ADGRL3: variants seen among roughly 807,000 people sequenced by gnomAD.
ADGRL3 encodes the protein adhesion G protein-coupled receptor L3.
ADGRL3 carries 62 observed loss-of-function variants against 153.5 expected under a neutral mutation model. The ratio of observed to expected loss-of-function variants is 0.40; its 90% CI spans 0.33 to 0.50. The LOEUF (loss-of-function observed/expected upper bound fraction) is 0.50. ADGRL3 is among the 20% of genes least tolerant of loss of function. The probability of loss-of-function intolerance (pLI) is 0.47; values close to 1 mark genes in which losing one functional copy is unlikely to be tolerated. For missense variants in ADGRL3, 1,641 were observed against 1,859.4 expected (o/e 0.88, Z 2.16); for synonymous variants, 710 against 672.5 (o/e 1.06, Z -0.86).
chr4:61,376,652 A>G (rs554853523), intron 1 of ADGRL3, among the ~76,000 whole-genome samples: 2 of 152,296 alleles, frequency 1.3e-5, no homozygotes, highest in African/African-American at 2.4e-5. Context: ...AGCCTCCATC[A>G]GTCACATCTG....
At chr4:61,958,497 G>T (rs1333855565) in intron 17 of ADGRL3, among the ~76,000 whole-genome samples, 1 of 151,984 alleles carries the variant, frequency 6.6e-6, no homozygotes, top group African/African-American at 2.4e-5. Flanking sequence ...AAGAATAACT[G>T]AGACTGGGTA....
intron 1 of ADGRL3, among the ~76,000 whole-genome samples, chr4:61,371,961 C>G (rs1371163627): frequency 1.3e-5 from 2 of 152,116 alleles, no homozygotes; most frequent in Non-Finnish European, 2.9e-5. Flanking sequence ...AACTTCCGTT[C>G]TTGCTTCATT....
intron 8 of ADGRL3, among the ~76,000 whole-genome samples, chr4:61,788,470 C>A (rs1409410743): frequency 6.6e-6 from 1 of 152,146 alleles, no homozygotes; most frequent in Non-Finnish European, 1.5e-5. Flanking sequence ...GAAGCCCCAT[C>A]CCTAGTGGAA....
chr4:61,322,455 C>T (rs2095378590), intron 1 of ADGRL3, among the ~76,000 whole-genome samples: 5 of 152,182 alleles, frequency 3.3e-5, no homozygotes, highest in Non-Finnish European at 7.3e-5. Flanking sequence ...TCCAAAGTCT[C>T]ATCTGAGACA....
chr4:61,250,535 T>C (rs1451357599), intron 1 of ADGRL3, among the ~76,000 whole-genome samples: 1 of 152,212 alleles, frequency 6.6e-6, no homozygotes, highest in Non-Finnish European at 1.5e-5. Context: ...CATTGATTTT[T>C]GTTGCCTAAG....
chr4:61,696,055 C>G (rs2095637221), intron 6 of ADGRL3, among the ~76,000 whole-genome samples: 1 of 152,152 alleles, frequency 6.6e-6, no homozygotes, highest in African/African-American at 2.4e-5. Flanking sequence ...GATCTTTTAT[C>G]CAAACTGCTG....
At chr4:61,659,929 C>A (rs2094546265) in intron 5 of ADGRL3, among the ~76,000 whole-genome samples, 1 of 139,242 alleles carries the variant, frequency 7.2e-6, no homozygotes. Flanking sequence ...TGTAGTGAAG[C>A]TGGTTAAGAA....
At chr4:61,971,891 A>C (rs2099029259) in intron 17 of ADGRL3, among the ~76,000 whole-genome samples, 1 of 152,072 alleles carries the variant, frequency 6.6e-6, no homozygotes, top group South Asian at 2.1e-4. Context: ...TTTGATTTGC[A>C]TTTATCTGAT....
At chr4:61,877,061 A>G (rs2098480222) in intron 9 of ADGRL3, among the ~76,000 whole-genome samples, 1 of 152,116 alleles carries the variant, frequency 6.6e-6, no homozygotes, top group Non-Finnish European at 1.5e-5. Context: ...CAGAACATGG[A>G]TTGGAGGGCT....
At chr4:61,386,077 G>A (rs970283897) in intron 2 of ADGRL3, among the ~76,000 whole-genome samples, 3 of 152,122 alleles carry the variant, frequency 2.0e-5, no homozygotes, top group African/African-American at 7.2e-5. Context: ...TACTCGTGTT[G>A]CATGTATTTG....
chr4:62,013,508 C>T (rs1193749062), intron 21 of ADGRL3, among the ~76,000 whole-genome samples: 1 of 151,652 alleles, frequency 6.6e-6, no homozygotes, highest in Admixed American at 6.6e-5. Flanking sequence ...CACTGTTGCA[C>T]TCCAGCCCGG....
In ADGRL3 at chr4:61,585,448, A is replaced by G. The variant is rs369500777; in HGVS notation, c.260-1779A>G. 5.3e-5 allele frequency among the ~76,000 whole-genome samples: 8 copies of G among 151,764 alleles called. No individual in the cohort carries two copies. In the East Asian group the frequency reaches 9.7e-4, roughly 18 times the overall value. On this transcript the variant is annotated intron_variant, in intron 4 of 26. Coordinates refer to ENST00000683033, the MANE Select transcript of ADGRL3 (RefSeq NM_001387552.1). ...ATGTTTTCTCTTTCTTTGCCCCTCC[A>G]TTTTTCACCTCCCTGCCTCTCTCCT...
chr4:61,428,436 G>A (rs1275853349), intron 2 of ADGRL3, among the ~76,000 whole-genome samples: 1 of 152,196 alleles, frequency 6.6e-6, no homozygotes, highest in African/African-American at 2.4e-5. Flanking sequence ...TACAGCGACA[G>A]AAGATAACAT....
rs527295701 is a variant in ADGRL3, at chr4:61,675,811, C to G, written c.474-1015C>G. ...ATTTATCCTTTGTGCTACAAACAAT[C>G]CATTTATACTCTTTTATTTTTAAAT... is the stretch of plus-strand genomic sequence containing the variant. On this transcript the variant is annotated intron_variant, in intron 5 of 26. Transcript: ENST00000683033. 1.6e-4 allele frequency among the ~76,000 whole-genome samples: 25 copies of G among 151,730 alleles called. 1 individual carries two copies. Among genetic ancestry groups the G allele is most frequent in the Non-Finnish European group, 2.8e-4 (19 of 67,876 alleles).
chr4:61,373,777 A>AT (rs1553915286), intron 1 of ADGRL3, among the ~76,000 whole-genome samples: 2 of 152,186 alleles, frequency 1.3e-5, no homozygotes, highest in Non-Finnish European at 1.5e-5. Context: ...CTGTGGATGC[A>AT]TTAACTTTTT....
intron 5 of ADGRL3, among the ~76,000 whole-genome samples, chr4:61,618,607 C>G (rs1231707956): frequency 6.6e-6 from 1 of 152,130 alleles, no homozygotes; most frequent in Non-Finnish European, 1.5e-5. Flanking sequence ...TACTTGATCT[C>G]TGATTCACTA....
At chr4:61,229,934 A>G (rs1436679261) in intron 1 of ADGRL3, among the ~76,000 whole-genome samples, 1 of 151,914 alleles carries the variant, frequency 6.6e-6, no homozygotes, top group Non-Finnish European at 1.5e-5. Flanking sequence ...ATATATGTAT[A>G]TACATATTAT....
intron 1 of ADGRL3, among the ~76,000 whole-genome samples, chr4:61,327,116 T>C (rs1393997436): frequency 6.6e-6 from 1 of 152,028 alleles, no homozygotes; most frequent in Non-Finnish European, 1.5e-5. Context: ...TGCTTCACTT[T>C]GAGTTCGTTT....
chr4:61,466,053 C>T (rs1247512451), intron 2 of ADGRL3, among the ~76,000 whole-genome samples: 3 of 151,792 alleles, frequency 2.0e-5, no homozygotes, highest in Admixed American at 6.6e-5. Flanking sequence ...ACTCGGGAGG[C>T]GGATGTTGCA....
Sources: allele counts gnomAD v4.1 joint callset (sites outside exome capture counted in the v4.1 genomes callset), GRCh38; gene constraint gnomAD v4.1.1; transcripts MANE v1.5; gene names NCBI Gene and HGNC (gene_info 2026-07-23, HGNC 2026-07-21).